STK24: variants seen among roughly 807,000 people sequenced by gnomAD.
STK24 encodes the protein serine/threonine kinase 24, also known as serine/threonine-protein kinase 24.
STK24 carries 21 observed loss-of-function variants against 55.6 expected under a neutral mutation model. The ratio of observed to expected loss-of-function variants is 0.38; its 90% CI spans 0.27 to 0.54. The LOEUF is 0.54. Among genes scored for constraint, STK24 ranks in the 20% least tolerant of loss-of-function variants. The probability of loss-of-function intolerance (pLI) is 0.79; values close to 1 mark genes in which losing one functional copy is unlikely to be tolerated. For missense variants in STK24, 383 were observed against 538.4 expected, an observed-to-expected ratio of 0.71 and a Z score of 2.86; for synonymous variants, 200 against 215.2, an observed-to-expected ratio of 0.93 and a Z score of 0.62.
chr13:98,502,787 T>C (rs2044121314), intron 2 of STK24, among the ~76,000 whole-genome samples: 2 of 152,202 alleles, frequency 1.3e-5, no homozygotes, highest in African/African-American at 4.8e-5. Context: ...ACCCAGTCTA[T>C]GGTAACTACC....
In STK24 at chr13:98,508,517, C is replaced by T. The variant is rs76768221; in HGVS notation, c.273+10726G>A. Among the ~76,000 whole-genome samples the T allele has an allele frequency of 9.1e-3, 1,382 of 152,296 alleles. 19 individuals carry two copies. The highest frequency in any genetic ancestry group is 0.03 in the African/African-American group (1,261 of 41,542). On this transcript the variant is annotated intron_variant, in intron 2 of 10. Transcript: ENST00000539966. Reference sequence around the variant, plus strand: ...AATGCAACTTACACCACAAGCCCCACTGGAGAGCAGAAATGCTACTTAGAA... The same window carrying T: ...AATGCAACTTACACCACAAGCCCCATTGGAGAGCAGAAATGCTACTTAGAA...
intron 9 of STK24, among the ~76,000 whole-genome samples, chr13:98,458,197 C>T (rs1446439441): frequency 6.6e-6 from 1 of 152,196 alleles, no homozygotes; most frequent in Admixed American, 6.5e-5. Context: ...CAGACACTTC[C>T]CTCAGTTGAA....
chr13:98,446,113 A>G lies in STK24; in HGVS notation c.*7060T>C, dbSNP rs1892818747. The G allele has an allele frequency of 6.2e-7, 1 of 1,613,726 alleles. No individual in the cohort carries two copies. Among genetic ancestry groups the G allele is most frequent in the Non-Finnish European group, 8.5e-7 (1 of 1,179,644 alleles). On this transcript the variant is annotated 3_prime_UTR_variant, in exon 11 of 11. Transcript: ENST00000539966. ...TGCCTTTCAGAATCAGTTGTCTGGA[A>G]ACCTGCTGAGGAAATTCAAAAACAG...
intron 3 of STK24, among the ~76,000 whole-genome samples, chr13:98,475,892 G>A (rs1420528993): frequency 6.6e-6 from 1 of 152,218 alleles, no homozygotes; most frequent in Non-Finnish European, 1.5e-5. Flanking sequence ...CAGGAAAGAA[G>A]GCCTAGGAGC....
At chr13:98,460,988 C>G (rs1744584123) in intron 8 of STK24, among the ~76,000 whole-genome samples, 1 of 151,082 alleles carries the variant, frequency 6.6e-6, no homozygotes, top group African/African-American at 2.4e-5. Flanking sequence ...TTTGAGGCTA[C>G]AGTGAGCTCT....
chr13:98,456,975 G>T, intron 10 of STK24, 193 bp downstream of exon 10: 1 of 726,110 alleles, frequency 1.4e-6, no homozygotes, highest in Non-Finnish European at 2.2e-6. Flanking sequence ...GTAGTTTCCA[G>T]ATTCAGATCC....
At position 98,542,915 on chromosome 13, in the gene STK24, G is replaced by A; in HGVS notation, c.43-23442C>T. On this transcript the variant is annotated intron_variant, in intron 1 of 10. Transcript: ENST00000539966. ...CAAACAACACCAGAACACGCGGCCT[G>A]ACAGGAACGGGTGTATTTGTGGAGA... 6 of 985,456 alleles carry A rather than the reference G, an allele frequency of 6.1e-6. No homozygotes were observed. The South Asian group carries it at 2.8e-4, about 46-fold the overall frequency. The allele number at this position is 985,456 out of a possible 1,614,324, so 61.0% of individuals were successfully genotyped here. A position where few individuals can be genotyped will look rare whatever the true frequency, so the allele number is the denominator to read the frequency against.
chr13:98,569,637 G>T (rs1034848566), intron 1 of STK24, among the ~76,000 whole-genome samples: 8 of 151,956 alleles, frequency 5.3e-5, no homozygotes, highest in Non-Finnish European at 1.2e-4. Context: ...CAAAAGAAAA[G>T]AAATCTGATC....
chr13:98,576,312 ACGAGCCT>A (rs1418507945), intron 1 of STK24: 1 of 808,920 alleles, frequency 1.2e-6, no homozygotes, highest in East Asian at 1.2e-4. Flanking sequence ...GGGGTGGGGG[ACGAGCCT>A]GGGGGACGCG....
chr13:98,456,698 G>A, intron 10 of STK24: 1 of 376,356 alleles, frequency 2.7e-6, no homozygotes, highest in Non-Finnish European at 5.3e-6. Context: ...CCCCTACCAA[G>A]GAGGCTTCCA....
At chr13:98,457,408 C>G in intron 9 of STK24, 104 bp from the exon 10 acceptor site, 1 of 1,558,112 alleles carries the variant, frequency 6.4e-7, no homozygotes, top group African/African-American at 1.4e-5. Context: ...CGACACTACC[C>G]CAGCCCCAGG....
At chr13:98,481,780 G>A (rs1245379070) in intron 3 of STK24, among the ~76,000 whole-genome samples, 5 of 152,048 alleles carry the variant, frequency 3.3e-5, no homozygotes, top group Non-Finnish European at 7.4e-5. Context: ...ATGAGCCACC[G>A]CACCTGGCCT....
At position 98,475,194 on chromosome 13, in the gene STK24, G is replaced by A. The variant is rs1894318898; in HGVS notation, c.439+56C>T. 4.0e-6 allele frequency: 6 copies of A among 1,514,024 alleles called. No homozygotes were observed. The Admixed American group carries it at 9.1e-5, about 23-fold the overall frequency. The allele number at this position is 1,514,024 out of a possible 1,614,324, so 93.8% of individuals were successfully genotyped here. A position where few individuals can be genotyped will look rare whatever the true frequency, so the allele number is the denominator to read the frequency against. The stretch of plus-strand genomic sequence containing the variant: ...CACCTTCCCTTGAGAAGTCTTCAGG[G>A]CAACCCCACCACCACCTTCAGTATT... On this transcript the variant is annotated intron_variant, in intron 4 of 10. Transcript: ENST00000539966.
At chr13:98,544,880 C>T (rs1222515585) in intron 1 of STK24, among the ~76,000 whole-genome samples, 1 of 152,102 alleles carries the variant, frequency 6.6e-6, no homozygotes, top group East Asian at 1.9e-4. Flanking sequence ...ATAAACATCA[C>T]ATTAAAAGCA....
chr13:98,525,599 CGGG>C (rs1896403658), intron 1 of STK24, among the ~76,000 whole-genome samples: 1 of 152,102 alleles, frequency 6.6e-6, no homozygotes, highest in East Asian at 1.9e-4. Context: ...ACAGTGGAGC[CGGG>C]CTCGCCACCC....
intron 1 of STK24, among the ~76,000 whole-genome samples, chr13:98,556,347 G>C (rs1162051433): frequency 1.3e-5 from 2 of 152,236 alleles, no homozygotes; most frequent in Non-Finnish European, 2.9e-5. Context: ...GGGTGCTGCG[G>C]GCAGCCGCCT....
chr13:98,563,654 C>A (rs1467165072), intron 1 of STK24, among the ~76,000 whole-genome samples: 1 of 151,808 alleles, frequency 6.6e-6, no homozygotes, highest in Non-Finnish European at 1.5e-5. Context: ...GTCAGGAGAT[C>A]GAGACCATCC....
At chr13:98,561,785 C>T (rs1169495462) in intron 1 of STK24, among the ~76,000 whole-genome samples, 8 of 151,546 alleles carry the variant, frequency 5.3e-5, no homozygotes, top group African/African-American at 9.7e-5. Flanking sequence ...CCAACCAGCC[C>T]GGCCAACATG....
At chr13:98,560,751 C>T (rs971290231) in intron 1 of STK24, among the ~76,000 whole-genome samples, 1 of 151,946 alleles carries the variant, frequency 6.6e-6, no homozygotes, top group African/African-American at 2.4e-5. Flanking sequence ...CATGGTGGCA[C>T]ATGCCTGTAG....
Sources: gnomAD v4.1 joint callset for allele counts (sites outside exome capture counted in the v4.1 genomes callset) on GRCh38, gnomAD v4.1.1 for gene constraint, MANE v1.5 for transcripts, NCBI Gene and HGNC (gene_info 2026-07-23, HGNC 2026-07-21) for gene names.